The following BTD variants were observed in gnomAD, a reference collection of about 807,000 sequenced individuals.
BTD encodes biotinidase.
A neutral mutation model predicts 17.7 loss-of-function variants in BTD; 13 were observed. That is an observed-to-expected ratio of 0.74 (90% CI 0.48 to 1.17). The LOEUF (loss-of-function observed/expected upper bound fraction) is 1.17. Among genes scored for constraint, BTD ranks in the 50% most tolerant of loss-of-function variants. BTD has a pLI of 0.00. For synonymous variants in BTD, 240 were observed against 245.2 expected (o/e 0.98, Z 0.20); for missense variants, 674 against 650.4 (o/e 1.04, Z -0.39).
intron 1 of BTD, among the ~76,000 whole-genome samples, chr3:15,623,687 G>T (rs78392150): frequency 0.03 from 4,631 of 152,248 alleles, 112 homozygotes; most frequent in Non-Finnish European, 0.046. Flanking sequence ...CATGTGGATG[G>T]TTTCTAACAG....
At chr3:15,636,486 C>G (rs1368387139) in intron 2 of BTD, among the ~76,000 whole-genome samples, 1 of 152,190 alleles carries the variant, frequency 6.6e-6, no homozygotes, top group African/African-American at 2.4e-5. Flanking sequence ...AAGAAAATGC[C>G]CTGCTGGAAA....
At chr3:15,696,023 A>C (rs1372808924) in intron 3 of BTD, 2 of 752,276 alleles carry the variant, frequency 2.7e-6, no homozygotes, top group Non-Finnish European at 4.4e-6. Flanking sequence ...AATTCTGAAA[A>C]TGTTAAAAAA....
In BTD at chr3:15,645,225, G is replaced by T. The variant is rs146600671; in HGVS notation, c.1309G>T (p.Val437Leu). ...AGTACATGGCACTTACTACATCCAA[G>T]TGTGTGCCCTGGTCAGGTGTGGGGG... ...HTVHGTYYIQ[V>L]CALVRCGGLG... is the part of the protein sequence containing the mutation. The change falls in exon 4 of 4, where the codon GTG becomes TTG. Residue 437 changes from valine to leucine, a missense_variant. Val to Leu is a conservative substitution (Grantham distance 32). Transcript: ENST00000643237. 2 of 1,614,086 alleles carry T rather than the reference G, an allele frequency of 1.2e-6. No homozygotes were observed. The highest frequency in any genetic ancestry group is 3.3e-5 in the Admixed American group (2 of 60,010).
downstream of BTD, among the ~76,000 whole-genome samples, chr3:15,715,382 TA>T (rs1376413216): frequency 9.2e-5 from 14 of 152,204 alleles, no homozygotes; most frequent in African/African-American, 2.7e-4. Context: ...ATGTCACAAG[TA>T]TTCTAAGTTT....
chr3:15,659,115 G>GT (rs541344787), intron 3 of BTD, among the ~76,000 whole-genome samples: 23 of 152,314 alleles, frequency 1.5e-4, no homozygotes, highest in Admixed American at 1.4e-3. Context: ...CTTGAATCAA[G>GT]TTTATAAAGG....
chr3:15,709,784 T>A (rs895183153), intron 3 of BTD: 3 of 1,289,790 alleles, frequency 2.3e-6, no homozygotes, highest in Non-Finnish European at 3.2e-6. Flanking sequence ...AGTGATTTTA[T>A]AATGAAATTG....
chr3:15,647,900 G>GA lies in BTD; in HGVS notation c.*2418dup, dbSNP rs1385221400. On this transcript the variant is annotated 3_prime_UTR_variant, in exon 4 of 4. Coordinates refer to ENST00000643237, the MANE Select transcript of BTD (RefSeq NM_001370658.1). The stretch of plus-strand genomic sequence containing the variant: ...ATTTAAAAGCCCTGTTCTTAGAGAG[G>GA]AAAAAACCAGGCCTCCTCACAGACT... 1.3e-5 allele frequency among the ~76,000 whole-genome samples: 2 copies of GA among 152,124 alleles called. No individual in the cohort carries two copies. Among genetic ancestry groups the GA allele is most frequent in the Non-Finnish European group, 2.9e-5 (2 of 68,022 alleles).
intron 2 of BTD, among the ~76,000 whole-genome samples, chr3:15,636,239 A>G (rs1051005277): frequency 6.6e-6 from 1 of 152,218 alleles, no homozygotes; most frequent in African/African-American, 2.4e-5. Context: ...AGCATCTGCA[A>G]GAATGCCGTT....
At chr3:15,689,442 G>A (rs532112653) in intron 3 of BTD, among the ~76,000 whole-genome samples, 4 of 152,324 alleles carry the variant, frequency 2.6e-5, no homozygotes, top group Admixed American at 1.3e-4. Context: ...CCCCTGAGGG[G>A]CCCCTAAAAT....
intron 1 of BTD, among the ~76,000 whole-genome samples, chr3:15,634,119 G>C (rs2065283485): frequency 6.6e-6 from 1 of 152,188 alleles, no homozygotes; most frequent in Non-Finnish European, 1.5e-5. Context: ...GCCAAGATGA[G>C]CATTTCTAGT....
Position 15,644,598 on chromosome 3 carries a change from ATATTG to A in BTD, c.684_688del (p.Phe230Ter). The A allele has an allele frequency of 6.2e-7, 1 of 1,614,164 alleles. No individual in the cohort carries two copies. Among genetic ancestry groups the A allele is most frequent in the Non-Finnish European group, 8.5e-7 (1 of 1,180,028 alleles). ...GTTTGGCATCTTCACATGCTTTGATATATTGTTCTTTGACCCTGCCATCAGAGTCC... is the reference window on the plus strand; with the variant it reads ...GTTTGGCATCTTCACATGCTTTGATATTCTTTGACCCTGCCATCAGAGTCC... On this transcript the variant is annotated frameshift_variant, in exon 4 of 4. Coordinates refer to ENST00000643237, the MANE Select transcript of BTD (RefSeq NM_001370658.1). LOFTEE classifies it low-confidence loss of function (END_TRUNC).
At chr3:15,644,032 G>A (rs1197225437) in intron 3 of BTD, among the ~76,000 whole-genome samples, 1 of 148,308 alleles carries the variant, frequency 6.7e-6, no homozygotes. Context: ...ACGGAGTCTT[G>A]CTCTGTCGCC....
At chr3:15,659,689 T>C (rs377549884) in intron 3 of BTD, among the ~76,000 whole-genome samples, 2 of 152,232 alleles carry the variant, frequency 1.3e-5, no homozygotes, top group South Asian at 2.1e-4. Context: ...CCATGTAGAT[T>C]AGGGAACTGA....
intron 3 of BTD, among the ~76,000 whole-genome samples, chr3:15,673,327 T>C (rs1350071734): frequency 6.6e-6 from 1 of 152,246 alleles, no homozygotes; most frequent in African/African-American, 2.4e-5. Context: ...CTATGTCTTA[T>C]TTTACACTAT....
intron 1 of BTD, among the ~76,000 whole-genome samples, chr3:15,623,052 A>G (rs1322704791): frequency 6.6e-6 from 1 of 152,238 alleles, no homozygotes; most frequent in Non-Finnish European, 1.5e-5. Flanking sequence ...GTAGCAGACA[A>G]GAGTTTGTGC....
At chr3:15,677,459 A>G in intron 3 of BTD, 1 of 1,563,152 alleles carries the variant, frequency 6.4e-7, no homozygotes, top group Non-Finnish European at 8.8e-7. Context: ...ATGGAAACAT[A>G]TTCTTAAGAT....
At chr3:15,608,943 T>C (rs1048282896) in intron 1 of BTD, among the ~76,000 whole-genome samples, 4 of 152,220 alleles carry the variant, frequency 2.6e-5, no homozygotes, top group Admixed American at 2.6e-4. Flanking sequence ...CCCTTTCCTT[T>C]AACTTTTTAA....
intron 1 of BTD, among the ~76,000 whole-genome samples, chr3:15,613,327 C>G (rs1311758925): frequency 6.6e-6 from 1 of 152,166 alleles, no homozygotes; most frequent in African/African-American, 2.4e-5. Flanking sequence ...CTTTTCAATT[C>G]TGTATTTCCA....
Position 15,648,731 on chromosome 3 carries a change from A to G in BTD, c.*3243A>G, listed in dbSNP as rs2125518455. 6.6e-6 allele frequency among the ~76,000 whole-genome samples: 1 copy of G among 152,362 alleles called. No individual in the cohort carries two copies. ...GCTCAGAATGTGGCCTTATTTGGAA[A>G]TAGGGTCTTTGCAGATGCAATGAAG... On this transcript the variant is annotated 3_prime_UTR_variant, in exon 4 of 4. Transcript: ENST00000643237.
Sources: gnomAD v4.1 joint callset for allele counts (sites outside exome capture counted in the v4.1 genomes callset) on GRCh38, gnomAD v4.1.1 for gene constraint, MANE v1.5 for transcripts, NCBI Gene and HGNC (gene_info 2026-07-23, HGNC 2026-07-21) for gene names.